The following SLC41A2 variants were observed in gnomAD, a reference collection of about 807,000 sequenced individuals.
The protein encoded by SLC41A2 is solute carrier family 41 member 2.
SLC41A2 carries 32 observed loss-of-function variants against 58.3 expected under a neutral mutation model. The ratio of observed to expected loss-of-function variants is 0.55; its 90% CI spans 0.41 to 0.74. The LOEUF is 0.74. Ranked by LOEUF, SLC41A2 falls within the 30% of genes least tolerant of loss-of-function variation. The pLI is 0.00. For synonymous variants in SLC41A2, 190 were observed against 235.0 expected, an observed-to-expected ratio of 0.81 and a Z score of 1.75; for missense variants, 514 against 680.6, an observed-to-expected ratio of 0.76 and a Z score of 2.72.
At chr12:104,908,702 A>G (rs1001739219) in intron 3 of SLC41A2, among the ~76,000 whole-genome samples, 4 of 152,244 alleles carry the variant, frequency 2.6e-5, no homozygotes, top group African/African-American at 9.6e-5. Flanking sequence ...AAATCATATT[A>G]TAATAAGATA....
chr12:104,866,573 T>C lies in SLC41A2; in HGVS notation c.1034A>G (p.Tyr345Cys), dbSNP rs201120964. The stretch of plus-strand genomic sequence containing the variant: ...ACCAACTAATGGAGAAATGTAGTAA[T>C]AGGTCTCTAAAATTAAAAAAAAAAA... ...SQGLYSCLETYYYISPLVGVF... is the reference protein window; with the variant it reads ...SQGLYSCLETCYYISPLVGVF... The change falls in exon 7 of 11, where the codon TAT (tyrosine) becomes TGT (cysteine). Residue 345 changes from tyrosine to cysteine, a missense_variant. Tyr to Cys is a radical substitution (Grantham distance 194). Coordinates refer to ENST00000258538, the MANE Select transcript of SLC41A2 (RefSeq NM_001352171.3). 2.0e-5 allele frequency: 30 copies of C among 1,528,380 alleles called. No homozygotes were observed. The East Asian group carries it at 6.2e-4, about 31-fold the overall frequency. 94.7% of individuals were successfully genotyped at this position (1,528,380 alleles called of 1,614,324 possible).
chr12:104,943,445 CTTG>C (rs1243502210), intron 1 of SLC41A2, among the ~76,000 whole-genome samples: 1 of 152,118 alleles, frequency 6.6e-6, no homozygotes, highest in Non-Finnish European at 1.5e-5. Context: ...CTTTAACCTC[CTTG>C]TTAAGTTTGT....
chr12:104,871,346 A>T (rs1488886662), intron 6 of SLC41A2, among the ~76,000 whole-genome samples: 1 of 152,238 alleles, frequency 6.6e-6, no homozygotes, highest in Admixed American at 6.5e-5. Context: ...CAATCATGTG[A>T]ACATATATAT....
chr12:104,913,067 T>C (rs1192823943), intron 2 of SLC41A2, among the ~76,000 whole-genome samples: 2 of 152,194 alleles, frequency 1.3e-5, no homozygotes, highest in Non-Finnish European at 2.9e-5. Context: ...AATGAAATAC[T>C]TATGGGAGAA....
At chr12:104,851,878 G>A (rs926182949) in intron 8 of SLC41A2, 2 of 152,144 alleles carry the variant, frequency 1.3e-5, no homozygotes, top group African/African-American at 4.8e-5. Flanking sequence ...TGTTGCTAAA[G>A]TTGGTATATG....
At chr12:104,813,172 C>CT (rs2041248793) in intron 10 of SLC41A2, among the ~76,000 whole-genome samples, 1 of 151,374 alleles carries the variant, frequency 6.6e-6, no homozygotes, top group Non-Finnish European at 1.5e-5. Context: ...GAGCAAGACT[C>CT]TGTCTCAAAA....
intron 10 of SLC41A2, among the ~76,000 whole-genome samples, chr12:104,830,330 A>G (rs2041996758): frequency 3.3e-5 from 5 of 152,224 alleles, no homozygotes; most frequent in Admixed American, 3.3e-4. Context: ...TTTGCATATA[A>G]CCTACACATG....
intron 1 of SLC41A2, among the ~76,000 whole-genome samples, chr12:104,941,827 A>G (rs1459470878): frequency 6.6e-6 from 1 of 152,272 alleles, no homozygotes; most frequent in African/African-American, 2.4e-5. Flanking sequence ...ACGTATACCT[A>G]TGTAACAAAC....
chr12:104,957,917 G>T (rs1319987756), intron 1 of SLC41A2, among the ~76,000 whole-genome samples, 171 bp downstream of exon 1: 1 of 151,874 alleles, frequency 6.6e-6, no homozygotes, highest in Non-Finnish European at 1.5e-5. Context: ...CCGGCGGCCC[G>T]GAGAGGCGTC....
At chr12:104,899,908 C>T (rs1160664472) in intron 3 of SLC41A2, among the ~76,000 whole-genome samples, 1 of 152,028 alleles carries the variant, frequency 6.6e-6, no homozygotes, top group Non-Finnish European at 1.5e-5. Flanking sequence ...GTTGTTGTGG[C>T]TGTTGTTGTT....
At chr12:104,958,721 T>C (rs1475094774), upstream of SLC41A2, 1 of 152,354 alleles carries the variant, frequency 6.6e-6, no homozygotes, top group Admixed American at 6.5e-5. Flanking sequence ...GAACCACGTG[T>C]CTTTCGGCCC....
intron 10 of SLC41A2, among the ~76,000 whole-genome samples, chr12:104,843,072 A>G (rs776016317): frequency 6.6e-6 from 1 of 152,100 alleles, no homozygotes; most frequent in Non-Finnish European, 1.5e-5. Context: ...GCAATTTGCT[A>G]TAAGTTTTGT....
intron 5 of SLC41A2, among the ~76,000 whole-genome samples, chr12:104,888,348 T>C (rs1466438763): frequency 6.6e-6 from 1 of 151,612 alleles, no homozygotes; most frequent in Non-Finnish European, 1.5e-5. Flanking sequence ...TAATCCACTT[T>C]AAACTTTGCT....
intron 3 of SLC41A2, among the ~76,000 whole-genome samples, chr12:104,895,980 T>A (rs1384073374): frequency 6.6e-6 from 1 of 152,164 alleles, no homozygotes; most frequent in Non-Finnish European, 1.5e-5. Context: ...TCTCAACCAC[T>A]TAGAATTCAA....
chr12:104,950,518 G>T (rs2047911632), intron 1 of SLC41A2, among the ~76,000 whole-genome samples: 1 of 152,134 alleles, frequency 6.6e-6, no homozygotes, highest in Non-Finnish European at 1.5e-5. Context: ...AAATCAGCCA[G>T]TCTTGGGTAT....
intron 5 of SLC41A2, among the ~76,000 whole-genome samples, chr12:104,887,404 C>T (rs1017494593): frequency 1.3e-5 from 2 of 151,610 alleles, no homozygotes; most frequent in African/African-American, 2.4e-5. Context: ...TGACTCTAGC[C>T]CAGTGTTTTT....
intron 1 of SLC41A2, among the ~76,000 whole-genome samples, chr12:104,945,982 A>G (rs2047702995): frequency 6.6e-6 from 1 of 152,218 alleles, no homozygotes; most frequent in Non-Finnish European, 1.5e-5. Context: ...ACGCCAAACA[A>G]AACAAGTATA....
intron 10 of SLC41A2, 54 bp downstream of exon 10, chr12:104,844,418 T>C: frequency 2.5e-6 from 3 of 1,185,470 alleles, no homozygotes; most frequent in Non-Finnish European, 3.3e-6. Flanking sequence ...TCCACAGTTG[T>C]ACTTTTACAG....
chr12:104,817,546 C>T (rs1192006754), intron 10 of SLC41A2, among the ~76,000 whole-genome samples: 2 of 151,846 alleles, frequency 1.3e-5, no homozygotes, highest in Non-Finnish European at 2.9e-5. Context: ...TTCTTTATAT[C>T]GTTATCCTAT....
Sources: allele counts gnomAD v4.1 joint callset (sites outside exome capture counted in the v4.1 genomes callset), GRCh38; gene constraint gnomAD v4.1.1; transcripts MANE v1.5; gene names NCBI Gene and HGNC (gene_info 2026-07-23, HGNC 2026-07-21).